ASAP2: variants seen among roughly 807,000 people sequenced by gnomAD.
ASAP2 encodes ArfGAP with SH3 domain, ankyrin repeat and PH domain 2.
ASAP2 carries 45 observed loss-of-function variants against 131.4 expected under a neutral mutation model. That is an observed-to-expected ratio of 0.34 (90% CI 0.27 to 0.44). The LOEUF (loss-of-function observed/expected upper bound fraction) is 0.44, where lower values mean the gene tolerates loss of function less well. Ranked by LOEUF, ASAP2 falls within the 20% of genes least tolerant of loss-of-function variation. The probability of loss-of-function intolerance (pLI) is 1.00; values close to 1 mark genes in which losing one functional copy is unlikely to be tolerated. For missense variants in ASAP2, 1,011 were observed against 1,297.0 expected, an observed-to-expected ratio of 0.78 and a Z score of 3.39; for synonymous variants, 510 against 503.0, an observed-to-expected ratio of 1.01 and a Z score of -0.19.
At chr2:9,345,362 G>GA (rs1465812987) in intron 11 of ASAP2, among the ~76,000 whole-genome samples, 1 of 152,052 alleles carries the variant, frequency 6.6e-6, no homozygotes, top group African/African-American at 2.4e-5. Context: ...GTCTATGCAA[G>GA]AAAAAACGGA....
chr2:9,376,680 T>A (rs1674425578), intron 17 of ASAP2, among the ~76,000 whole-genome samples: 1 of 152,196 alleles, frequency 6.6e-6, no homozygotes, highest in Admixed American at 6.5e-5. Flanking sequence ...CTCCTGAACT[T>A]CTCATTTATT....
chr2:9,331,976 C>T (rs187800265), intron 7 of ASAP2, among the ~76,000 whole-genome samples: 2 of 152,102 alleles, frequency 1.3e-5, no homozygotes, highest in African/African-American at 2.4e-5. Context: ...CAGCAGACAC[C>T]GCATTGGAAT....
intron 3 of ASAP2, among the ~76,000 whole-genome samples, chr2:9,312,328 C>T (rs1209074483): frequency 6.6e-6 from 1 of 152,104 alleles, no homozygotes; most frequent in Non-Finnish European, 1.5e-5. Flanking sequence ...AAACCAGAAT[C>T]CCCCTCATTG....
chr2:9,368,615 A>G (rs568311822), intron 16 of ASAP2, 96 bp downstream of exon 16: 2 of 986,834 alleles, frequency 2.0e-6, no homozygotes, highest in South Asian at 2.7e-5. Context: ...GGGTGCATCC[A>G]TCGTTGCTTC....
chr2:9,279,827 C>T (rs1369397992), intron 2 of ASAP2, among the ~76,000 whole-genome samples: 1 of 150,164 alleles, frequency 6.7e-6, no homozygotes, highest in African/African-American at 2.5e-5. Context: ...AATAGACAAA[C>T]ATAAAGTAAT....
intron 9 of ASAP2, among the ~76,000 whole-genome samples, chr2:9,338,391 T>TC (rs1244916037): frequency 6.6e-6 from 1 of 152,072 alleles, no homozygotes; most frequent in African/African-American, 2.4e-5. Context: ...TTTTCAAGCA[T>TC]CCTGTCTAGT....
chr2:9,207,340 G>A lies in ASAP2; in HGVS notation c.126+110G>A, dbSNP rs1036143523. 4.3e-6 allele frequency: 6 copies of A among 1,385,716 alleles called. No homozygotes were observed. In the Admixed American group the frequency reaches 1.4e-4, roughly 32 times the overall value. The allele number at this position is 1,385,716 out of a possible 1,614,324, so 85.8% of individuals were successfully genotyped here. A position where few individuals can be genotyped will look rare whatever the true frequency, so the allele number is the denominator to read the frequency against. On this transcript the variant is annotated intron_variant, in intron 1 of 27. Transcript: ENST00000281419. This position sits in a 1 kb window ranked among gnomAD's most constrained non-coding sequence, Gnocchi z 4.1. ...AACTTTCTTTGCTCCGAAGCCGGAC[G>A]CGGCCGGGCCAACCCTGCCCGAGAC...
At chr2:9,343,348 C>G (rs1671720331) in intron 9 of ASAP2, among the ~76,000 whole-genome samples, 1 of 152,190 alleles carries the variant, frequency 6.6e-6, no homozygotes, top group Non-Finnish European at 1.5e-5. Context: ...CATCTTGCTC[C>G]CCTCTCGTTT....
chr2:9,335,996 T>C (rs945613272), intron 9 of ASAP2: 2 of 152,028 alleles, frequency 1.3e-5, no homozygotes, highest in Non-Finnish European at 2.9e-5. Flanking sequence ...CTGAATATTG[T>C]TGTTTTTCTC....
rs886467150 is a variant in ASAP2, at chr2:9,270,675, C to T, written c.127-8642C>T. Among the ~76,000 whole-genome samples the T allele has an allele frequency of 2.0e-5, 3 of 151,764 alleles. No homozygotes were observed. In the South Asian group the frequency reaches 6.2e-4, roughly 32 times the overall value. On this transcript the variant is annotated intron_variant, in intron 1 of 27. Transcript: ENST00000281419. ...AAATACTAGATCTTATTCATTCTGTCCACCTATATTTTTGTACCCATTTAC... is the reference window on the plus strand; with the variant it reads ...AAATACTAGATCTTATTCATTCTGTTCACCTATATTTTTGTACCCATTTAC...
At chr2:9,254,254 T>TATATATATATATATACAC (rs1553297027) in intron 1 of ASAP2, among the ~76,000 whole-genome samples, 10 of 65,726 alleles carry the variant, frequency 1.5e-4, no homozygotes, top group African/African-American at 5.9e-4. Context: ...TATATATATA[T>TATATATATATATATACAC]ACACGTGTGT....
At chr2:9,275,031 A>G (rs1334409301) in intron 1 of ASAP2, among the ~76,000 whole-genome samples, 4 of 149,458 alleles carry the variant, frequency 2.7e-5, no homozygotes, top group African/African-American at 7.4e-5. Context: ...AGCCTTTTAC[A>G]TTGAAGTTTA....
chr2:9,274,752 A>G (rs1666638062), intron 1 of ASAP2, among the ~76,000 whole-genome samples: 1 of 152,122 alleles, frequency 6.6e-6, no homozygotes, highest in African/African-American at 2.4e-5. Context: ...CCCACTTGCA[A>G]TTTTAATTAA....
intron 16 of ASAP2, among the ~76,000 whole-genome samples, chr2:9,372,889 G>C (rs1055021735): frequency 2.6e-5 from 4 of 152,110 alleles, no homozygotes; most frequent in Non-Finnish European, 4.4e-5. Flanking sequence ...GGGGGAAACC[G>C]GAGTGCCCAG....
chr2:9,239,755 G>A (rs1663813060), intron 1 of ASAP2, among the ~76,000 whole-genome samples: 1 of 151,896 alleles, frequency 6.6e-6, no homozygotes, highest in African/African-American at 2.4e-5. Flanking sequence ...TTTAGATGAG[G>A]CCTCACTGTG....
At chr2:9,293,473 G>T (rs1667945860) in intron 2 of ASAP2, among the ~76,000 whole-genome samples, 1 of 152,178 alleles carries the variant, frequency 6.6e-6, no homozygotes, top group Non-Finnish European at 1.5e-5. Flanking sequence ...TCACAATTCT[G>T]TAAATAAAAG....
At chr2:9,223,086 C>T (rs1377949189) in intron 1 of ASAP2, among the ~76,000 whole-genome samples, 1 of 152,236 alleles carries the variant, frequency 6.6e-6, no homozygotes, top group African/African-American at 2.4e-5. Flanking sequence ...TCAAGTCACA[C>T]TTGCAAGCGA....
Position 9,312,729 on chromosome 2 carries a change from G to A in ASAP2, c.346-5795G>A, listed in dbSNP as rs151207108. On this transcript the variant is annotated intron_variant, in intron 3 of 27. Coordinates refer to ENST00000281419, the MANE Select transcript of ASAP2 (RefSeq NM_003887.3). The stretch of plus-strand genomic sequence containing the variant: ...GTGTCTCCCCATTCACCCGAGGGGA[G>A]AGGCTGTCTGAGGACTGAGGTCCTC... Among the ~76,000 whole-genome samples, 113 of 152,238 alleles carry A rather than the reference G, an allele frequency of 7.4e-4. 1 individual carries two copies. Among genetic ancestry groups the A allele is most frequent in the African/African-American group, 2.4e-3 (99 of 41,534 alleles).
intron 1 of ASAP2, among the ~76,000 whole-genome samples, chr2:9,237,390 G>T (rs1211197403): frequency 6.6e-6 from 1 of 150,596 alleles, no homozygotes; most frequent in African/African-American, 2.4e-5. Flanking sequence ...TGAAATTTAG[G>T]AAGCACCCAC....
Sources: allele counts gnomAD v4.1 joint callset (sites outside exome capture counted in the v4.1 genomes callset), GRCh38; gene constraint gnomAD v4.1.1; non-coding constraint Gnocchi (gnomAD v3.1); transcripts MANE v1.5; gene names NCBI Gene and HGNC (gene_info 2026-07-23, HGNC 2026-07-21).